Variants in NR3C1 observed in about 807,000 individuals in gnomAD.
NR3C1 encodes the protein nuclear receptor subfamily 3 group C member 1.
In NR3C1, 14 loss-of-function variants were observed where a neutral mutation model predicts 74.0. That is an observed-to-expected ratio of 0.19 (90% CI 0.12 to 0.30). The LOEUF is 0.30. NR3C1 is among the 10% of genes least tolerant of loss of function. NR3C1 has a pLI of 1.00. For synonymous variants in NR3C1, 308 were observed against 332.5 expected (o/e 0.93, Z 0.80); for missense variants, 695 against 909.8 (o/e 0.76, Z 3.04).
At chr5:143,422,883 C>A (rs747888033) in intron 1 of NR3C1, among the ~76,000 whole-genome samples, 4 of 152,002 alleles carry the variant, frequency 2.6e-5, no homozygotes, top group Admixed American at 2.0e-4. Context: ...TGACTTTTGT[C>A]TTTCTTGTTC....
chr5:143,303,295 T>C (rs1235966788), intron 4 of NR3C1, among the ~76,000 whole-genome samples: 2 of 151,346 alleles, frequency 1.3e-5, no homozygotes, highest in Admixed American at 6.6e-5. Context: ...TGTTTTCAGC[T>C]GACCCCCGTA....
chr5:143,403,756 C>A, upstream of NR3C1: 4 of 984,728 alleles, frequency 4.1e-6, no homozygotes, highest in Non-Finnish European at 3.6e-6. Context: ...CCCGAGGGGC[C>A]GCGCGGCGGC....
In NR3C1 at chr5:143,366,593, A is replaced by G. The variant is rs575479965; in HGVS notation, c.1184+33063T>C. ...TGACCAAGAAAAAAAAGGAGAGAAG[A>G]CTCTTAAATTACCAGAATCCGAAAT... On this transcript the variant is annotated intron_variant, in intron 2 of 8. Coordinates refer to ENST00000394464, the MANE Select transcript of NR3C1 (RefSeq NM_000176.3). Among the ~76,000 whole-genome samples the G allele has an allele frequency of 2.6e-5, 4 of 152,094 alleles. No homozygotes were observed. The South Asian group carries it at 8.3e-4, about 32-fold the overall frequency.
chr5:143,349,173 A>T (rs1829816263), intron 2 of NR3C1, among the ~76,000 whole-genome samples: 2 of 152,094 alleles, frequency 1.3e-5, no homozygotes. Flanking sequence ...ATTCTTTCTT[A>T]GTTGCTTTGC....
chr5:143,343,526 A>C (rs1172564838), intron 2 of NR3C1, among the ~76,000 whole-genome samples: 1 of 152,220 alleles, frequency 6.6e-6, no homozygotes, highest in Admixed American at 6.5e-5. Context: ...ATAGACAAAG[A>C]AAAATGCAAA....
chr5:143,301,946 G>A lies in NR3C1; in HGVS notation c.1469-1183C>T, dbSNP rs10043423. Among the ~76,000 whole-genome samples, 674 of 152,116 alleles carry A rather than the reference G, an allele frequency of 4.4e-3. 2 individuals carry two copies. Among genetic ancestry groups the A allele is most frequent in the African/African-American group, 0.015 (643 of 41,526 alleles). On this transcript the variant is annotated intron_variant, in intron 4 of 8. Transcript: ENST00000394464. ...ATACTAAATGGGGTAACTGAGAATT[G>A]CAAAAATTTTTATTAATAGTTCAAA...
At chr5:143,315,179 A>G (rs930235629) in intron 2 of NR3C1, among the ~76,000 whole-genome samples, 2 of 152,244 alleles carry the variant, frequency 1.3e-5, no homozygotes, top group African/African-American at 4.8e-5. Flanking sequence ...TTATAAACCA[A>G]TGAAACAGTG....
chr5:143,434,316 A>C (rs1348965339), intron 1 of NR3C1, among the ~76,000 whole-genome samples: 1 of 152,228 alleles, frequency 6.6e-6, no homozygotes, highest in Non-Finnish European at 1.5e-5. Context: ...TACTTGCTGA[A>C]TAAATGAAAC....
intron 2 of NR3C1, among the ~76,000 whole-genome samples, chr5:143,352,112 TCACACACATGCACAAA>T (rs1283849978): frequency 6.6e-5 from 10 of 152,114 alleles, no homozygotes; most frequent in Admixed American, 6.6e-4. Flanking sequence ...TTTTATACAA[TCACACACATGCACAAA>T]CACACACATG....
At chr5:143,369,415 T>A (rs1833860794) in intron 2 of NR3C1, among the ~76,000 whole-genome samples, 1 of 152,228 alleles carries the variant, frequency 6.6e-6, no homozygotes, top group Non-Finnish European at 1.5e-5. Flanking sequence ...ACAGCATTAT[T>A]TATAATAGCC....
chr5:143,337,391 G>C (rs1827351624), intron 2 of NR3C1, among the ~76,000 whole-genome samples: 1 of 152,110 alleles, frequency 6.6e-6, no homozygotes, highest in Non-Finnish European at 1.5e-5. Flanking sequence ...AATCATTTTG[G>C]AAGACAGTTT....
intron 2 of NR3C1, among the ~76,000 whole-genome samples, chr5:143,362,483 C>T (rs779707717): frequency 6.6e-6 from 1 of 151,846 alleles, no homozygotes; most frequent in Non-Finnish European, 1.5e-5. Flanking sequence ...GCCTCAGCCT[C>T]CCGAGTAGCT....
intron 2 of NR3C1, among the ~76,000 whole-genome samples, chr5:143,368,177 A>G (rs1833598203): frequency 6.6e-6 from 1 of 152,224 alleles, no homozygotes; most frequent in Non-Finnish European, 1.5e-5. Context: ...TGGGACAACT[A>G]GGTATCATTA....
intron 2 of NR3C1, among the ~76,000 whole-genome samples, chr5:143,364,036 A>C (rs1043367711): frequency 2.6e-5 from 4 of 152,192 alleles, no homozygotes; most frequent in African/African-American, 9.7e-5. Flanking sequence ...ATACATCTAC[A>C]AAGCTCAACA....
intron 7 of NR3C1, among the ~76,000 whole-genome samples, chr5:143,289,662 T>C (rs931539148): frequency 1.3e-5 from 2 of 152,182 alleles, no homozygotes; most frequent in African/African-American, 2.4e-5. Flanking sequence ...TTGAGAATAT[T>C]TGAACAATTC....
At chr5:143,303,269 A>G (rs1160734322) in intron 4 of NR3C1, among the ~76,000 whole-genome samples, 2 of 151,806 alleles carry the variant, frequency 1.3e-5, no homozygotes, top group African/African-American at 2.4e-5. Context: ...GGAGTTTACT[A>G]TGAAAGTATC....
intron 2 of NR3C1, among the ~76,000 whole-genome samples, chr5:143,365,036 G>A (rs115286190): frequency 3.2e-4 from 49 of 152,044 alleles, no homozygotes; most frequent in African/African-American, 8.0e-4. Context: ...TAAAATCTCC[G>A]TGGCAACCAC....
intron 2 of NR3C1, among the ~76,000 whole-genome samples, chr5:143,338,042 T>G (rs1049688810): frequency 2.0e-4 from 31 of 152,322 alleles, no homozygotes; most frequent in African/African-American, 6.5e-4. Context: ...TGTATGGTCA[T>G]GCACGACATA....
chr5:143,335,879 G>A (rs1010641888), intron 2 of NR3C1, among the ~76,000 whole-genome samples: 4 of 152,312 alleles, frequency 2.6e-5, no homozygotes, highest in South Asian at 2.1e-4. Context: ...CTGGAAAGCC[G>A]ATGGACAACT....
Sources: allele counts gnomAD v4.1 joint callset (sites outside exome capture counted in the v4.1 genomes callset), GRCh38; gene constraint gnomAD v4.1.1; transcripts MANE v1.5; gene names NCBI Gene and HGNC (gene_info 2026-07-23, HGNC 2026-07-21).